GPC5: variants seen among roughly 807,000 people sequenced by gnomAD.
GPC5 encodes the protein glypican-5.
In GPC5, 47 loss-of-function variants were observed where a neutral mutation model predicts 53.9. That is an observed-to-expected ratio of 0.87 (90% CI 0.69 to 1.11). GPC5 has a LOEUF of 1.11. GPC5 is among the 50% of genes most tolerant of loss of function. The pLI is 0.00. For synonymous variants in GPC5, 286 were observed against 263.3 expected (o/e 1.09, Z -0.84); for missense variants, 748 against 713.1 (o/e 1.05, Z -0.56).
chr13:92,057,675 T>C (rs930713786), intron 6 of GPC5, among the ~76,000 whole-genome samples: 4 of 152,222 alleles, frequency 2.6e-5, no homozygotes, highest in African/African-American at 9.6e-5. Flanking sequence ...CATCATAGCC[T>C]GCTGAAAGCT....
rs998267026 is a variant in GPC5 at position 92,364,466 on chromosome 13, T to C, written c.1561+219477T>C. Among the ~76,000 whole-genome samples the C allele has an allele frequency of 1.6e-4, 24 of 151,896 alleles. 1 individual carries two copies. The South Asian group carries it at 1.9e-3, about 12-fold the overall frequency. ...GCATTTTTGGCCAGGCGCGGTGGCT[T>C]ACGCCTGTAATCCCAGCACTTTGGG... is the stretch of plus-strand genomic sequence containing the variant. On this transcript the variant is annotated intron_variant, in intron 7 of 7. Transcript: ENST00000377067.
At chr13:91,979,797 G>T (rs891204732) in intron 6 of GPC5, among the ~76,000 whole-genome samples, 2 of 136,020 alleles carry the variant, frequency 1.5e-5, no homozygotes, top group East Asian at 5.7e-4. Flanking sequence ...TAATAAGATT[G>T]CAGCAACAGC....
In GPC5 at chr13:92,454,951, A is replaced by G. The variant is rs144957261; in HGVS notation, c.1561+309962A>G. Among the ~76,000 whole-genome samples, 249 of 152,356 alleles carry G rather than the reference A, an allele frequency of 1.6e-3. 1 individual carries two copies. Among genetic ancestry groups the G allele is most frequent in the African/African-American group, 5.8e-3 (240 of 41,590 alleles). Reference sequence around the variant, plus strand: ...CAAGAACATAGGCTATTATAATCATAGCTCCAGTAAATGCTAATATCCTGA... The same window carrying G: ...CAAGAACATAGGCTATTATAATCATGGCTCCAGTAAATGCTAATATCCTGA... On this transcript the variant is annotated intron_variant, in intron 7 of 7. Coordinates refer to ENST00000377067, the MANE Select transcript of GPC5 (RefSeq NM_004466.6).
At chr13:92,338,658 A>T (rs972946369) in intron 7 of GPC5, among the ~76,000 whole-genome samples, 8 of 152,254 alleles carry the variant, frequency 5.3e-5, no homozygotes, top group Middle Eastern at 3.4e-3. Context: ...ATACCATGTG[A>T]TTCCCACAAT....
intron 6 of GPC5, chr13:92,059,742 C>T (rs2041106648): frequency 6.6e-6 from 1 of 151,794 alleles, no homozygotes; most frequent in Non-Finnish European, 1.5e-5. Flanking sequence ...GATTTGTTTA[C>T]CACTGCAGCC....
intron 6 of GPC5, among the ~76,000 whole-genome samples, chr13:92,061,190 A>G (rs2041120232): frequency 6.6e-6 from 1 of 152,030 alleles, no homozygotes; most frequent in African/African-American, 2.4e-5. Flanking sequence ...GCAAATCACA[A>G]TTACATAAAC....
intron 7 of GPC5, among the ~76,000 whole-genome samples, chr13:92,515,062 T>A (rs570312810): frequency 9.7e-4 from 148 of 152,296 alleles, no homozygotes; most frequent in Middle Eastern, 3.4e-3. Context: ...AGGATAAGTA[T>A]GCAATATAAG....
intron 2 of GPC5, among the ~76,000 whole-genome samples, chr13:91,581,374 A>G (rs1030269034): frequency 5.3e-5 from 8 of 152,152 alleles, no homozygotes; most frequent in African/African-American, 1.4e-4. Context: ...TTGGATTTGT[A>G]CTGTGGATTC....
intron 7 of GPC5, among the ~76,000 whole-genome samples, chr13:92,279,980 T>G (rs914213040): frequency 1.2e-4 from 19 of 152,112 alleles, no homozygotes; most frequent in African/African-American, 4.3e-4. Flanking sequence ...TTGGGTAGAA[T>G]TTGTGTTAAT....
intron 2 of GPC5, among the ~76,000 whole-genome samples, chr13:91,625,159 G>T (rs557181824): frequency 1.3e-5 from 2 of 151,568 alleles, no homozygotes; most frequent in South Asian, 4.2e-4. Context: ...ATGAGAAAGG[G>T]CATAAAACTA....
chr13:91,899,122 T>G (rs765859773), intron 5 of GPC5, among the ~76,000 whole-genome samples: 1 of 152,178 alleles, frequency 6.6e-6, no homozygotes, highest in Non-Finnish European at 1.5e-5. Flanking sequence ...AGCCCTTCAT[T>G]GCTTTTGGGA....
At chr13:92,065,830 T>C (rs2041163153) in intron 6 of GPC5, among the ~76,000 whole-genome samples, 1 of 152,158 alleles carries the variant, frequency 6.6e-6, no homozygotes, top group African/African-American at 2.4e-5. Context: ...ACAAATTTTA[T>C]TAATTGATTT....
intron 1 of GPC5, among the ~76,000 whole-genome samples, chr13:91,423,214 G>A (rs926220644): frequency 1.3e-5 from 2 of 152,150 alleles, no homozygotes; most frequent in African/African-American, 4.8e-5. Context: ...GACTTGAAAT[G>A]GTATAGTGTA....
At chr13:92,852,869 G>A (rs1218647995) in intron 7 of GPC5, among the ~76,000 whole-genome samples, 2 of 152,134 alleles carry the variant, frequency 1.3e-5, no homozygotes, top group Non-Finnish European at 2.9e-5. Context: ...GGACTAAAAG[G>A]GGCCATTGCT....
At chr13:92,192,677 CAA>C (rs1175407715) in intron 7 of GPC5, among the ~76,000 whole-genome samples, 4 of 152,116 alleles carry the variant, frequency 2.6e-5, no homozygotes, top group Admixed American at 6.6e-5. Context: ...TTTTAGCTGA[CAA>C]GGGAATAATT....
intron 7 of GPC5, among the ~76,000 whole-genome samples, chr13:92,764,419 C>T (rs1875313722): frequency 2.6e-5 from 4 of 152,182 alleles, no homozygotes; most frequent in Admixed American, 1.3e-4. Flanking sequence ...TAGGACATAG[C>T]GTCAGTTCCC....
intron 2 of GPC5, among the ~76,000 whole-genome samples, chr13:91,648,986 G>A (rs1167620850): frequency 1.3e-5 from 2 of 152,138 alleles, no homozygotes; most frequent in Admixed American, 6.5e-5. Flanking sequence ...CCCAGTGGGA[G>A]GTAATCAAAT....
intron 7 of GPC5, among the ~76,000 whole-genome samples, chr13:92,370,161 T>G (rs2043638769): frequency 6.6e-6 from 1 of 152,246 alleles, no homozygotes; most frequent in African/African-American, 2.4e-5. Flanking sequence ...CAGGAATATC[T>G]GCAAGGTCAA....
At chr13:92,584,744 G>A (rs537097599) in intron 7 of GPC5, among the ~76,000 whole-genome samples, 5 of 152,052 alleles carry the variant, frequency 3.3e-5, no homozygotes, top group African/African-American at 4.8e-5. Flanking sequence ...GGAGAAAATG[G>A]TTTCCTGGGC....
Sources: gnomAD v4.1 joint callset for allele counts (sites outside exome capture counted in the v4.1 genomes callset) on GRCh38, gnomAD v4.1.1 for gene constraint, MANE v1.5 for transcripts, NCBI Gene and HGNC (gene_info 2026-07-23, HGNC 2026-07-21) for gene names.